Variants in TAF4B observed in about 807,000 individuals in gnomAD.
The protein encoded by TAF4B is TATA-box binding protein associated factor 4b.
TAF4B carries 38 observed loss-of-function variants against 86.4 expected under a neutral mutation model. The ratio of observed to expected loss-of-function variants is 0.44; its 90% CI spans 0.34 to 0.58. The LOEUF is 0.58. TAF4B is among the 20% of genes least tolerant of loss of function. TAF4B has a pLI of 0.02. For missense variants in TAF4B, 988 were observed against 1,027.6 expected, an observed-to-expected ratio of 0.96 and a Z score of 0.53; for synonymous variants, 388 against 391.2, an observed-to-expected ratio of 0.99 and a Z score of 0.10.
At chr18:26,230,173 C>T (rs1389477825) in intron 1 of TAF4B, among the ~76,000 whole-genome samples, 1 of 152,198 alleles carries the variant, frequency 6.6e-6, no homozygotes, top group African/African-American at 2.4e-5. Flanking sequence ...TTCATCTTGT[C>T]TATCACCTGT....
chr18:26,301,000 G>C (rs2144633472), intron 9 of TAF4B, among the ~76,000 whole-genome samples: 1 of 152,190 alleles, frequency 6.6e-6, no homozygotes, highest in East Asian at 1.9e-4. Context: ...CAGACCAAAA[G>C]ACATAAACTC....
chr18:26,272,874 G>A (rs1441324514), intron 3 of TAF4B, among the ~76,000 whole-genome samples: 3 of 140,140 alleles, frequency 2.1e-5, no homozygotes, highest in Non-Finnish European at 4.7e-5. Context: ...ACTTCCTTTT[G>A]AATGTGCATT....
chr18:26,296,142 C>G (rs182989095), intron 9 of TAF4B, among the ~76,000 whole-genome samples: 91 of 151,892 alleles, frequency 6.0e-4, no homozygotes, highest in African/African-American at 2.1e-3. Flanking sequence ...TCTTCAATGC[C>G]TCTTTTATTA....
At chr18:26,227,337 C>G in intron 1 of TAF4B, 61 bp downstream of exon 1, 1 of 1,510,926 alleles carries the variant, frequency 6.6e-7, no homozygotes, top group South Asian at 1.2e-5. Flanking sequence ...CGGGAAAATT[C>G]GCAGCTCCAG....
At chr18:26,280,118 A>G (rs1299754073) in intron 5 of TAF4B, among the ~76,000 whole-genome samples, 5 of 152,148 alleles carry the variant, frequency 3.3e-5, no homozygotes, top group African/African-American at 1.2e-4. Context: ...CTATGTGCGG[A>G]AGAATGAAAC....
chr18:26,359,310 A>G (rs903864158), intron 14 of TAF4B, among the ~76,000 whole-genome samples: 1 of 152,208 alleles, frequency 6.6e-6, no homozygotes, highest in African/African-American at 2.4e-5. Context: ...ATTGCCTCAG[A>G]TAACATTTTT....
chr18:26,391,077 T>A lies in TAF4B; in HGVS notation c.*1065T>A, dbSNP rs1978680630. The stretch of plus-strand genomic sequence containing the variant: ...ATTGATGATGAGAAATTTTTAACAA[T>A]AGGACTTTATGTTGGATTCTGTACT... On this transcript the variant is annotated 3_prime_UTR_variant, in exon 15 of 15. Coordinates refer to ENST00000269142, the MANE Select transcript of TAF4B (RefSeq NM_005640.3). 6.6e-6 allele frequency: 1 copy of A among 152,172 alleles called. No individual in the cohort carries two copies. The highest frequency in any genetic ancestry group is 6.5e-5 in the Admixed American group (1 of 15,286). The allele number at this position is 152,172 out of a possible 1,614,324, so 9.4% of individuals were successfully genotyped here. A position where few individuals can be genotyped will look rare whatever the true frequency, so the allele number is the denominator to read the frequency against.
intron 13 of TAF4B, among the ~76,000 whole-genome samples, chr18:26,340,173 A>T (rs1045491959): frequency 1.3e-5 from 2 of 152,244 alleles, no homozygotes; most frequent in African/African-American, 4.8e-5. Flanking sequence ...CTGTTGGTGC[A>T]ATTCTTCATA....
At chr18:26,332,549 T>TA (rs2057058850) in intron 12 of TAF4B, among the ~76,000 whole-genome samples, 1 of 152,138 alleles carries the variant, frequency 6.6e-6, no homozygotes, top group Non-Finnish European at 1.5e-5. Context: ...TTATTGTTTT[T>TA]GAGACGGAGT....
At chr18:26,327,632 A>G (rs570820528) in intron 12 of TAF4B, among the ~76,000 whole-genome samples, 43 of 152,184 alleles carry the variant, frequency 2.8e-4, no homozygotes, top group Admixed American at 1.8e-3. Flanking sequence ...ATGCAGTGGC[A>G]TGATCTCGGC....
chr18:26,242,451 A>G (rs2055854440), intron 1 of TAF4B, among the ~76,000 whole-genome samples: 1 of 151,990 alleles, frequency 6.6e-6, no homozygotes, highest in Non-Finnish European at 1.5e-5. Context: ...ATCTTCCTCC[A>G]TCCCTTTATT....
chr18:26,234,092 G>A (rs767448322), intron 1 of TAF4B, among the ~76,000 whole-genome samples: 15 of 151,894 alleles, frequency 9.9e-5, no homozygotes, highest in African/African-American at 3.2e-4. Flanking sequence ...TAACCACCCC[G>A]AGGGGAGAAA....
At chr18:26,235,913 C>T (rs1260044536) in intron 1 of TAF4B, among the ~76,000 whole-genome samples, 3 of 152,220 alleles carry the variant, frequency 2.0e-5, no homozygotes, top group Non-Finnish European at 4.4e-5. Context: ...TGGGGTGTTG[C>T]AGGGACTGCT....
chr18:26,361,844 C>T (rs1287823685), intron 14 of TAF4B, among the ~76,000 whole-genome samples: 1 of 151,526 alleles, frequency 6.6e-6, no homozygotes, highest in Non-Finnish European at 1.5e-5. Flanking sequence ...TACAGGACAA[C>T]TCACTGCTCT....
Position 26,331,631 on chromosome 18 carries a change from A to G in TAF4B, c.2260-3544A>G, listed in dbSNP as rs963129486. On this transcript the variant is annotated intron_variant, in intron 12 of 14. Transcript: ENST00000269142. The stretch of plus-strand genomic sequence containing the variant: ...ATCTTCCCAGATGTTCAAGCTGAAA[A>G]ACATAGGCATCATCTTTAACTCCAT... Among the ~76,000 whole-genome samples, 3 of 152,270 alleles carry G rather than the reference A, an allele frequency of 2.0e-5. No homozygotes were observed. In the South Asian group the frequency reaches 6.2e-4, roughly 32 times the overall value.
At chr18:26,277,174 C>G (rs56067763) in intron 5 of TAF4B, among the ~76,000 whole-genome samples, 16,891 of 152,056 alleles carry the variant, frequency 0.11, 963 homozygotes, top group African/African-American at 0.14. Context: ...TCTTGACCCT[C>G]CTGGGATCAA....
intron 1 of TAF4B, among the ~76,000 whole-genome samples, chr18:26,261,435 T>C (rs1027383380): frequency 2.0e-5 from 3 of 152,042 alleles, no homozygotes; most frequent in Admixed American, 2.0e-4. Flanking sequence ...CTCCTGACCT[T>C]GTGATCCGCC....
intron 1 of TAF4B, among the ~76,000 whole-genome samples, chr18:26,261,033 C>G (rs966701266): frequency 4.6e-5 from 7 of 152,228 alleles, no homozygotes; most frequent in Non-Finnish European, 1.0e-4. Context: ...ATACTGGTCC[C>G]CACTCCTTGG....
chr18:26,333,731 T>G (rs17224621), intron 12 of TAF4B, among the ~76,000 whole-genome samples: 5,421 of 152,278 alleles, frequency 0.036, 174 homozygotes, highest in Admixed American at 0.1. Flanking sequence ...TCAGCAATTA[T>G]TTGTTTTGTA....
Sources: allele counts gnomAD v4.1 joint callset (sites outside exome capture counted in the v4.1 genomes callset), GRCh38; gene constraint gnomAD v4.1.1; transcripts MANE v1.5; gene names NCBI Gene and HGNC (gene_info 2026-07-23, HGNC 2026-07-21).